The following HPSE2 variants were observed in gnomAD, a reference collection of about 807,000 sequenced individuals.
HPSE2 encodes heparanase 2 (inactive).
Under a neutral mutation model 60.5 loss-of-function variants are expected in HPSE2, and 38 were observed. The observed-to-expected ratio is 0.63, with a 90% CI of 0.48 to 0.82. The LOEUF (loss-of-function observed/expected upper bound fraction) is 0.82. Among genes scored for constraint, HPSE2 ranks in the 40% least tolerant of loss-of-function variants. The pLI, the probability that HPSE2 is intolerant of heterozygous loss-of-function variation, is 0.00. For missense variants in HPSE2, 713 were observed against 740.4 expected, an observed-to-expected ratio of 0.96 and a Z score of 0.43; for synonymous variants, 295 against 293.2, an observed-to-expected ratio of 1.01 and a Z score of -0.06.
intron 9 of HPSE2, among the ~76,000 whole-genome samples, chr10:98,496,288 A>C (rs1052241494): frequency 6.6e-6 from 1 of 152,216 alleles, no homozygotes. Context: ...GAGTAAAAAA[A>C]CAAAACAAAA....
chr10:98,499,941 G>A (rs1399562837), intron 9 of HPSE2, among the ~76,000 whole-genome samples: 1 of 152,130 alleles, frequency 6.6e-6, no homozygotes, highest in Non-Finnish European at 1.5e-5. Context: ...ATTATATAAT[G>A]GTAAAAGGCC....
At chr10:98,989,282 G>T (rs1257767392) in intron 3 of HPSE2, among the ~76,000 whole-genome samples, 3 of 152,198 alleles carry the variant, frequency 2.0e-5, no homozygotes, top group Non-Finnish European at 4.4e-5. Flanking sequence ...TTAAGAAAAT[G>T]TGGCACATAT....
upstream of HPSE2, among the ~76,000 whole-genome samples, chr10:99,236,106 C>T (rs1054083333): frequency 6.7e-6 from 1 of 150,270 alleles, no homozygotes; most frequent in East Asian, 2.0e-4. Flanking sequence ...CAAGAGAACT[C>T]GTACACCGGC....
chr10:99,299,538 C>G, the HPSE2 span, among the ~76,000 whole-genome samples: 4 of 152,206 alleles, frequency 2.6e-5, no homozygotes, highest in Admixed American at 2.6e-4. Flanking sequence ...TTGTACTGTA[C>G]AGGAAAAGCA....
At chr10:98,809,013 C>T (rs1951105314) in intron 3 of HPSE2, among the ~76,000 whole-genome samples, 1 of 152,132 alleles carries the variant, frequency 6.6e-6, no homozygotes, top group African/African-American at 2.4e-5. Context: ...TAGCTTTTCT[C>T]TTGCAATGTA....
chr10:98,988,027 C>G (rs11511375), intron 3 of HPSE2, among the ~76,000 whole-genome samples: 62,402 of 144,594 alleles, frequency 0.43, 12,996 homozygotes, highest in East Asian at 0.56. Context: ...ATTCCATGCT[C>G]ATGGATAGGA....
chr10:98,670,380 A>G (rs1947474628), intron 6 of HPSE2, among the ~76,000 whole-genome samples: 1 of 152,244 alleles, frequency 6.6e-6, no homozygotes, highest in South Asian at 2.1e-4. Flanking sequence ...TTGCTGATCC[A>G]GGTTTAGTAT....
Position 99,225,347 on chromosome 10 carries a change from G to C in HPSE2, c.448+7001C>G, listed in dbSNP as rs115796940. Among the ~76,000 whole-genome samples the C allele has an allele frequency of 4.8e-3, 737 of 152,068 alleles. 6 individuals carry two copies. Among genetic ancestry groups the C allele is most frequent in the African/African-American group, 0.016 (683 of 41,526 alleles). The stretch of plus-strand genomic sequence containing the variant: ...ACAAGAAGTCAATAGTAAGTAATTT[G>C]ACAATCACACCTGGGCCCCATTAAT... On this transcript the variant is annotated intron_variant, in intron 2 of 11. Transcript: ENST00000370552.
intron 3 of HPSE2, among the ~76,000 whole-genome samples, chr10:99,132,229 G>GAAAGAAAGAA (rs1313413051): frequency 9.0e-4 from 15 of 16,732 alleles, no homozygotes; most frequent in Non-Finnish European, 1.2e-3. Context: ...GAGAGAGAGA[G>GAAAGAAAGAA]AGAGAGAGAG....
chr10:99,022,707 C>A (rs1473909773), intron 3 of HPSE2, among the ~76,000 whole-genome samples: 1 of 152,124 alleles, frequency 6.6e-6, no homozygotes, highest in Non-Finnish European at 1.5e-5. Context: ...ACGTTTCAGG[C>A]CCTACTTCCA....
At chr10:98,711,177 C>G (rs550282650) in intron 5 of HPSE2, among the ~76,000 whole-genome samples, 1 of 151,934 alleles carries the variant, frequency 6.6e-6, no homozygotes, top group Admixed American at 6.6e-5. Context: ...CCTTGACAGT[C>G]CAAAATGCTG....
chr10:99,267,867 GA>G, the HPSE2 span, among the ~76,000 whole-genome samples: 1 of 151,934 alleles, frequency 6.6e-6, no homozygotes, highest in Non-Finnish European at 1.5e-5. Context: ...TAAAAGTTTG[GA>G]AAATGTATTT....
chr10:98,506,726 G>A (rs1247065654), intron 9 of HPSE2, among the ~76,000 whole-genome samples: 2 of 152,206 alleles, frequency 1.3e-5, no homozygotes, highest in African/African-American at 4.8e-5. Context: ...GCCTCACAAA[G>A]CACTGGGATT....
chr10:98,873,900 C>G (rs1201072858), intron 3 of HPSE2, among the ~76,000 whole-genome samples: 1 of 152,056 alleles, frequency 6.6e-6, no homozygotes, highest in Admixed American at 6.6e-5. Flanking sequence ...TTAATAATCT[C>G]CATTCTGACT....
At chr10:99,008,183 A>G (rs996041970) in intron 3 of HPSE2, among the ~76,000 whole-genome samples, 1 of 152,226 alleles carries the variant, frequency 6.6e-6, no homozygotes, top group African/African-American at 2.4e-5. Flanking sequence ...GTTTATCTGC[A>G]AAAGTTTTAA....
Position 98,899,129 on chromosome 10 carries a change from G to T in HPSE2, c.611-155073C>A, listed in dbSNP as rs190934274. Reference sequence around the variant, plus strand: ...TATTTCAGATTTTGTGTGCCATGTGGTCTTCGTTCCAGCAATTCTGTGTGC... The same window carrying T: ...TATTTCAGATTTTGTGTGCCATGTGTTCTTCGTTCCAGCAATTCTGTGTGC... On this transcript the variant is annotated intron_variant, in intron 3 of 11. Coordinates refer to ENST00000370552, the MANE Select transcript of HPSE2 (RefSeq NM_021828.5). Among the ~76,000 whole-genome samples the T allele has an allele frequency of 2.6e-5, 4 of 152,314 alleles. No individual in the cohort carries two copies. The East Asian group carries it at 7.7e-4, about 29-fold the overall frequency.
At chr10:99,221,461 C>T (rs981133074) in intron 2 of HPSE2, among the ~76,000 whole-genome samples, 9 of 152,050 alleles carry the variant, frequency 5.9e-5, no homozygotes, top group South Asian at 4.2e-4. Flanking sequence ...TGAACATTCA[C>T]AAAAAAATAC....
chr10:98,493,387 T>C (rs773709897), intron 9 of HPSE2, among the ~76,000 whole-genome samples: 20 of 152,296 alleles, frequency 1.3e-4, no homozygotes, highest in Middle Eastern at 3.4e-3. Context: ...TTATTGAGAA[T>C]GGGATATTGA....
At chr10:99,135,800 CTTTTAA>C (rs1589713008) in intron 3 of HPSE2, among the ~76,000 whole-genome samples, 3 of 151,584 alleles carry the variant, frequency 2.0e-5, no homozygotes, top group African/African-American at 7.3e-5. Context: ...ATATTTAATT[CTTTTAA>C]TTTTAACATC....
Sources: allele counts gnomAD v4.1 joint callset (sites outside exome capture counted in the v4.1 genomes callset), GRCh38; gene constraint gnomAD v4.1.1; transcripts MANE v1.5; gene names NCBI Gene and HGNC (gene_info 2026-07-23, HGNC 2026-07-21).